The following LRIG1 variants were observed in gnomAD, a reference collection of about 807,000 sequenced individuals.
The protein encoded by LRIG1 is leucine rich repeats and immunoglobulin like domains 1.
LRIG1 carries 48 observed loss-of-function variants against 99.2 expected under a neutral mutation model. The observed-to-expected ratio is 0.48, with a 90% CI of 0.38 to 0.62. LRIG1 has a LOEUF of 0.62. Among genes scored for constraint, LRIG1 ranks in the 20% least tolerant of loss-of-function variants. The probability of loss-of-function intolerance (pLI) is 0.00; values close to 1 mark genes in which losing one functional copy is unlikely to be tolerated. For synonymous variants in LRIG1, 772 were observed against 596.1 expected (o/e 1.29, Z -4.30); for missense variants, 1,646 against 1,434.4 (o/e 1.15, Z -2.38).
intron 3 of LRIG1, among the ~76,000 whole-genome samples, chr3:66,443,326 T>G (rs1703607332): frequency 8.0e-5 from 1 of 12,488 alleles, no homozygotes; most frequent in Admixed American, 1.4e-3. Flanking sequence ...AGGGGATGAG[T>G]GAGGGGCGGG....
At chr3:66,480,289 C>T (rs570045012) in intron 1 of LRIG1, among the ~76,000 whole-genome samples, 3 of 151,978 alleles carry the variant, frequency 2.0e-5, no homozygotes, top group East Asian at 1.9e-4. Context: ...TAGATGTTGC[C>T]GGGGGATGGG....
intron 8 of LRIG1, among the ~76,000 whole-genome samples, chr3:66,405,486 A>T (rs954761663): frequency 2.0e-5 from 3 of 152,176 alleles, no homozygotes; most frequent in African/African-American, 7.2e-5. Flanking sequence ...GCCTTAGACA[A>T]GAAACTTCCC....
chr3:66,409,857 T>TG, intron 7 of LRIG1: 1 of 348,600 alleles, frequency 2.9e-6, no homozygotes, highest in South Asian at 5.8e-5. Flanking sequence ...AACAGGACCT[T>TG]GGGGGCCAAG....
chr3:66,444,647 C>T (rs1703656503), intron 3 of LRIG1, among the ~76,000 whole-genome samples: 1 of 152,180 alleles, frequency 6.6e-6, no homozygotes, highest in African/African-American at 2.4e-5. Flanking sequence ...CATCCCAGAC[C>T]CGTTGAACCA....
At chr3:66,458,368 A>C (rs768639041) in intron 2 of LRIG1, among the ~76,000 whole-genome samples, 12 of 152,184 alleles carry the variant, frequency 7.9e-5, no homozygotes, top group South Asian at 4.1e-4. Flanking sequence ...CCCAGCTGAG[A>C]AAATGCTTAC....
intron 3 of LRIG1, among the ~76,000 whole-genome samples, chr3:66,430,394 T>C (rs1369203255): frequency 4.6e-5 from 7 of 152,194 alleles, no homozygotes; most frequent in Admixed American, 1.3e-4. Context: ...CACATTCAAT[T>C]GAACCCCAAA....
chr3:66,410,055 G>C, intron 7 of LRIG1, 74 bp downstream of exon 7: 1 of 1,487,410 alleles, frequency 6.7e-7, no homozygotes, highest in Non-Finnish European at 9.1e-7. Flanking sequence ...GTGGTGGAAC[G>C]AACCAGGCCT....
In LRIG1 at chr3:66,380,436, G is replaced by A; in HGVS notation, c.3109C>T (p.Gln1037Ter). ...RLYHPDSTEL[Q>*]PASSLTSGSP... is the part of the protein sequence containing the mutation. ...CCTGAAGTTAATGAAGATGCAGGCTGTAGCTCTGTGGAGTCCGGGTGATAC... is the reference window on the plus strand; with the variant it reads ...CCTGAAGTTAATGAAGATGCAGGCTATAGCTCTGTGGAGTCCGGGTGATAC... Residue 1037 changes from glutamine (Q) to a stop codon, truncating the protein, a stop_gained, in exon 19 of 19, where the codon CAG becomes TAG. Coordinates refer to ENST00000273261, the MANE Select transcript of LRIG1 (RefSeq NM_015541.3). LOFTEE classifies it low-confidence loss of function (END_TRUNC). 1.2e-6 allele frequency: 2 copies of A among 1,614,218 alleles called. No homozygotes were observed. Among genetic ancestry groups the A allele is most frequent in the Non-Finnish European group, 1.7e-6 (2 of 1,180,038 alleles).
At chr3:66,426,471 T>C (rs1250774913) in intron 3 of LRIG1, among the ~76,000 whole-genome samples, 3 of 152,236 alleles carry the variant, frequency 2.0e-5, no homozygotes, top group African/African-American at 7.2e-5. Context: ...TGGAACCATG[T>C]ATAAATCACT....
chr3:66,405,149 A>C, intron 9 of LRIG1, 49 bp downstream of exon 9: 1 of 1,537,994 alleles, frequency 6.5e-7, no homozygotes, highest in Non-Finnish European at 9.0e-7. Flanking sequence ...CTCCCACCCA[A>C]GTGTGTCCCG....
chr3:66,417,356 T>C (rs2106696261), intron 3 of LRIG1, 90 bp from the exon 4 acceptor site: 1 of 1,322,504 alleles, frequency 7.6e-7, no homozygotes, highest in Non-Finnish European at 1.1e-6. Context: ...CCCCCACCAA[T>C]ATAACTACAA....
intron 1 of LRIG1, among the ~76,000 whole-genome samples, chr3:66,493,652 G>A (rs1701154926): frequency 6.6e-6 from 1 of 152,080 alleles, no homozygotes; most frequent in Non-Finnish European, 1.5e-5. Flanking sequence ...CTTGGAAGCT[G>A]GGTGTGGTAG....
intron 1 of LRIG1, among the ~76,000 whole-genome samples, chr3:66,480,312 T>C (rs1700819027): frequency 6.6e-6 from 1 of 152,068 alleles, no homozygotes; most frequent in African/African-American, 2.4e-5. Context: ...GAAGGAAGGA[T>C]AGGCAGGGAG....
At chr3:66,476,664 C>T (rs1183216844) in intron 1 of LRIG1, among the ~76,000 whole-genome samples, 1 of 152,190 alleles carries the variant, frequency 6.6e-6, no homozygotes, top group African/African-American at 2.4e-5. Flanking sequence ...ATGGCTGTCT[C>T]TCCAGGGTCA....
intron 3 of LRIG1, among the ~76,000 whole-genome samples, chr3:66,443,884 G>C (rs1223780780): frequency 6.6e-6 from 1 of 152,212 alleles, no homozygotes; most frequent in Admixed American, 6.5e-5. Flanking sequence ...CCCAGGCTGG[G>C]AAAATGGGAG....
chr3:66,382,195 T>TA lies in LRIG1; in HGVS notation c.2617+77dup. 3 of 1,570,556 alleles carry TA rather than the reference T, an allele frequency of 1.9e-6. No homozygotes were observed. The South Asian group carries it at 3.4e-5, about 18-fold the overall frequency. ...CATCTAATGCCAGGTACCTGCCCTG[T>TA]AAAGACCTGGAGGCCACCTCCAGCA... On this transcript the variant is annotated intron_variant, in intron 16 of 18. Coordinates refer to ENST00000273261, the MANE Select transcript of LRIG1 (RefSeq NM_015541.3).
At chr3:66,409,943 G>A (rs1413294610) in intron 7 of LRIG1, 186 bp downstream of exon 7, 15 of 544,058 alleles carry the variant, frequency 2.8e-5, no homozygotes, top group Admixed American at 1.8e-4. Context: ...GGGGAGATGA[G>A]GAAGGGACTG....
chr3:66,442,239 C>G (rs1033435357), intron 3 of LRIG1, among the ~76,000 whole-genome samples: 19 of 152,126 alleles, frequency 1.2e-4, no homozygotes, highest in African/African-American at 4.1e-4. Flanking sequence ...AGGAAAGGCC[C>G]GGCATAAACA....
chr3:66,383,256 G>A lies in LRIG1; in HGVS notation c.2217C>T (p.His739=), dbSNP rs556186345. ...GDRPLSLTER[H]HLTPDNQLLV... is the part of the protein sequence containing the mutation. ...GGAGCTGGTTGTCAGGGGTCAAGTG[G>A]TGCCGCTCAGTGAGGCTCAGCGGGC... is the stretch of plus-strand genomic sequence containing the variant. The change falls in exon 15 of 19, where the codon CAC becomes CAT. Residue 739 remains histidine (H), a synonymous_variant. Coordinates refer to ENST00000273261, the MANE Select transcript of LRIG1 (RefSeq NM_015541.3). 9 of 1,614,204 alleles carry A rather than the reference G, an allele frequency of 5.6e-6. No homozygotes were observed. The South Asian group carries it at 7.7e-5, about 14-fold the overall frequency.
Sources: gnomAD v4.1 joint callset for allele counts (sites outside exome capture counted in the v4.1 genomes callset) on GRCh38, gnomAD v4.1.1 for gene constraint, MANE v1.5 for transcripts, NCBI Gene and HGNC (gene_info 2026-07-23, HGNC 2026-07-21) for gene names.